SNX29: variants seen among roughly 807,000 people sequenced by gnomAD.
SNX29 encodes sorting nexin-29.
SNX29 carries 78 observed loss-of-function variants against 102.1 expected under a neutral mutation model. That is an observed-to-expected ratio of 0.76 (90% CI 0.64 to 0.92). The LOEUF (loss-of-function observed/expected upper bound fraction) is 0.92. Among genes scored for constraint, SNX29 ranks in the 40% least tolerant of loss-of-function variants. The pLI is 0.00. For synonymous variants in SNX29, 580 were observed against 414.5 expected, an observed-to-expected ratio of 1.40 and a Z score of -4.85; for missense variants, 1,280 against 1,061.7, an observed-to-expected ratio of 1.21 and a Z score of -2.86.
At chr16:12,434,640 A>G (rs2085454806) in intron 18 of SNX29, among the ~76,000 whole-genome samples, 1 of 152,048 alleles carries the variant, frequency 6.6e-6, no homozygotes, top group Non-Finnish European at 1.5e-5. Context: ...AGTTCCTCCA[A>G]GTGCTAGGGA....
chr16:12,546,686 C>T (rs150722561), intron 20 of SNX29: 2 of 152,172 alleles, frequency 1.3e-5, no homozygotes, highest in African/African-American at 4.8e-5. Context: ...TTGAATCCAT[C>T]TAGACCCACT....
chr16:12,436,095 T>C (rs2085526056), intron 18 of SNX29, among the ~76,000 whole-genome samples: 1 of 151,928 alleles, frequency 6.6e-6, no homozygotes, highest in Non-Finnish European at 1.5e-5. Context: ...CACCGTGAGT[T>C]TTATGTTGGT....
chr16:12,057,106 G>A (rs1199838311), intron 8 of SNX29, among the ~76,000 whole-genome samples: 4 of 152,196 alleles, frequency 2.6e-5, no homozygotes, highest in Non-Finnish European at 4.4e-5. Flanking sequence ...GGGTCACTGA[G>A]CCAGGCCCAG....
At position 12,572,863 on chromosome 16, in the gene SNX29, G is replaced by A. The variant is rs942953039; in HGVS notation, c.*4234G>A. On this transcript the variant is annotated 3_prime_UTR_variant, in exon 21 of 21. Transcript: ENST00000566228. ...TCATGCCCAGGTTTCAGCCCTAAAG[G>A]TAATGATTGTCTTGACTCTGCCTTG... is the stretch of plus-strand genomic sequence containing the variant. 2.5e-5 allele frequency: 27 copies of A among 1,063,182 alleles called. No individual in the cohort carries two copies. Among genetic ancestry groups the A allele is most frequent in the Non-Finnish European group, 2.7e-5 (24 of 877,828 alleles). The allele number at this position is 1,063,182 out of a possible 1,614,324, so 65.9% of individuals were successfully genotyped here.
At chr16:12,135,975 C>T (rs1314529339) in intron 13 of SNX29, among the ~76,000 whole-genome samples, 1 of 152,234 alleles carries the variant, frequency 6.6e-6, no homozygotes, top group Non-Finnish European at 1.5e-5. Context: ...AGCACCGCTC[C>T]AGACTTCCCT....
intron 11 of SNX29, among the ~76,000 whole-genome samples, chr16:12,110,363 A>C (rs1213566183): frequency 6.6e-6 from 1 of 152,052 alleles, no homozygotes; most frequent in Non-Finnish European, 1.5e-5. Context: ...TTAAAGACTA[A>C]TTTTCTAGCT....
Position 12,568,730 on chromosome 16 carries a change from C to CA in SNX29, c.*101_*102insA. ...CACCTCAGCGTGACAACCACGTCCA[C>CA]CTGGTGATCCTGAGAGCACACGATT... On this transcript the variant is annotated 3_prime_UTR_variant, in exon 21 of 21. Transcript: ENST00000566228. 1.3e-6 allele frequency: 2 copies of CA among 1,487,444 alleles called. No individual in the cohort carries two copies. Among genetic ancestry groups the CA allele is most frequent in the Non-Finnish European group, 1.8e-6 (2 of 1,115,022 alleles). 92.1% of individuals were successfully genotyped at this position (1,487,444 alleles called of 1,614,324 possible).
chr16:12,264,916 C>G (rs1214456471), intron 14 of SNX29, among the ~76,000 whole-genome samples: 1 of 152,184 alleles, frequency 6.6e-6, no homozygotes, highest in East Asian at 1.9e-4. Context: ...TGATACCTTT[C>G]CACTCTCACC....
At chr16:11,994,374 T>C (rs2055976085) in intron 1 of SNX29, among the ~76,000 whole-genome samples, 1 of 152,162 alleles carries the variant, frequency 6.6e-6, no homozygotes, top group Non-Finnish European at 1.5e-5. Context: ...GGGCTGCCCC[T>C]GGAGATGAGG....
At chr16:12,446,567 A>G (rs12597696) in intron 18 of SNX29, among the ~76,000 whole-genome samples, 46,842 of 152,076 alleles carry the variant, frequency 0.31, 8,051 homozygotes, top group South Asian at 0.46. Flanking sequence ...GAGCTTATCA[A>G]GAACATTGCT....
At chr16:12,365,633 T>C (rs555367307) in intron 16 of SNX29, among the ~76,000 whole-genome samples, 2 of 150,308 alleles carry the variant, frequency 1.3e-5, no homozygotes, top group East Asian at 2.0e-4. Context: ...GAGGTTGCAA[T>C]TGAGCCGAGA....
intron 18 of SNX29, among the ~76,000 whole-genome samples, chr16:12,413,312 A>T (rs1292706179): frequency 6.6e-6 from 1 of 152,170 alleles, no homozygotes; most frequent in African/African-American, 2.4e-5. Context: ...AACTGCAGGC[A>T]AAATACGTTA....
At chr16:12,303,903 T>G (rs2080258406) in intron 15 of SNX29, among the ~76,000 whole-genome samples, 1 of 152,210 alleles carries the variant, frequency 6.6e-6, no homozygotes. Flanking sequence ...AGCTGTACTC[T>G]CCCTCCTATT....
At chr16:12,371,903 G>T (rs1164850956) in intron 16 of SNX29, among the ~76,000 whole-genome samples, 1 of 151,854 alleles carries the variant, frequency 6.6e-6, no homozygotes, top group Admixed American at 6.6e-5. Context: ...TGCTCCTCCT[G>T]TTCCTTCTAC....
intron 10 of SNX29, among the ~76,000 whole-genome samples, chr16:12,073,515 GATTGC>G (rs2051398922): frequency 6.6e-6 from 1 of 152,148 alleles, no homozygotes; most frequent in Admixed American, 6.5e-5. Flanking sequence ...GTTCTAGTTT[GATTGC>G]ACTGTGGTCT....
chr16:12,231,366 C>T (rs562387189), intron 14 of SNX29, among the ~76,000 whole-genome samples: 1 of 152,292 alleles, frequency 6.6e-6, no homozygotes, highest in African/African-American at 2.4e-5. Context: ...TGAACTCCTG[C>T]TGTGCATACA....
intron 5 of SNX29, among the ~76,000 whole-genome samples, chr16:12,045,769 G>A (rs886978168): frequency 3.9e-4 from 59 of 151,870 alleles, no homozygotes; most frequent in African/African-American, 1.3e-3. Flanking sequence ...GATTACAAGC[G>A]CCTGCCACCA....
At chr16:12,150,226 G>A (rs928556541) in intron 13 of SNX29, among the ~76,000 whole-genome samples, 2 of 152,148 alleles carry the variant, frequency 1.3e-5, no homozygotes, top group African/African-American at 4.8e-5. Context: ...CAGGGTCGGA[G>A]GGGCTGGAAG....
intron 19 of SNX29, among the ~76,000 whole-genome samples, chr16:12,479,614 G>T (rs1461210207): frequency 6.6e-6 from 1 of 152,180 alleles, no homozygotes; most frequent in Non-Finnish European, 1.5e-5. Context: ...AAGAGTACAA[G>T]AATTCTTTTG....
Sources: allele counts gnomAD v4.1 joint callset (sites outside exome capture counted in the v4.1 genomes callset), GRCh38; gene constraint gnomAD v4.1.1; transcripts MANE v1.5; gene names NCBI Gene and HGNC (gene_info 2026-07-23, HGNC 2026-07-21).